LINGO2: variants seen among roughly 807,000 people sequenced by gnomAD.
LINGO2 encodes leucine-rich repeat and immunoglobulin-like domain-containing nogo receptor-interacting protein 2.
Under a neutral mutation model 30.6 loss-of-function variants are expected in LINGO2, and 14 were observed. The ratio of observed to expected loss-of-function variants is 0.46; its 90% CI spans 0.30 to 0.72. The LOEUF is 0.72. LINGO2 is among the 30% of genes least tolerant of loss of function. LINGO2 has a pLI of 0.07. For missense variants in LINGO2, 729 were observed against 751.7 expected (o/e 0.97, Z 0.35); for synonymous variants, 317 against 288.5 (o/e 1.10, Z -1.00).
intron 4 of LINGO2, among the ~76,000 whole-genome samples, chr9:28,114,720 C>T (rs1197841288): frequency 1.7e-5 from 2 of 115,578 alleles, no homozygotes; most frequent in Non-Finnish European, 3.5e-5. Context: ...GTAGTATTCT[C>T]TGATGGTAGT....
intron 4 of LINGO2, among the ~76,000 whole-genome samples, chr9:28,081,611 T>C (rs1328209779): frequency 6.6e-6 from 1 of 152,226 alleles, no homozygotes; most frequent in East Asian, 1.9e-4. Context: ...GCTATATTGA[T>C]GGAAATCTCA....
the LINGO2 span, among the ~76,000 whole-genome samples, chr9:28,830,669 A>G: frequency 6.6e-6 from 1 of 152,222 alleles, no homozygotes; most frequent in Admixed American, 6.5e-5. Context: ...ATGGATTTTT[A>G]ATTTATAATT....
At chr9:28,108,857 CAATGTGCTG>C in intron 4 of LINGO2, among the ~76,000 whole-genome samples, 1 of 152,068 alleles carries the variant, frequency 6.6e-6, no homozygotes, top group South Asian at 2.1e-4. Flanking sequence ...AAAGGTATAA[CAATGTGCTG>C]AATTTCATAC....
At chr9:28,722,988 C>T in the LINGO2 span, among the ~76,000 whole-genome samples, 1 of 152,108 alleles carries the variant, frequency 6.6e-6, no homozygotes, top group South Asian at 2.1e-4. Flanking sequence ...GCTTTTAGGG[C>T]TGGCTGGACC....
chr9:28,315,460 G>A (rs900854086), intron 3 of LINGO2, among the ~76,000 whole-genome samples: 5 of 151,812 alleles, frequency 3.3e-5, no homozygotes, highest in Non-Finnish European at 7.4e-5. Flanking sequence ...CTTTCCATAG[G>A]ACAAATATTT....
At chr9:29,159,705 A>G in the LINGO2 span, among the ~76,000 whole-genome samples, 2 of 152,176 alleles carry the variant, frequency 1.3e-5, no homozygotes, top group South Asian at 4.1e-4. Context: ...AAAAAATACA[A>G]AAATTAGCAG....
chr9:28,407,780 T>C (rs992592624), intron 2 of LINGO2, among the ~76,000 whole-genome samples: 2 of 152,162 alleles, frequency 1.3e-5, no homozygotes, highest in Non-Finnish European at 2.9e-5. Flanking sequence ...ATTTACTGAA[T>C]CACTATAATT....
the LINGO2 span, among the ~76,000 whole-genome samples, chr9:28,752,238 T>C: frequency 1.6e-4 from 25 of 151,850 alleles, no homozygotes; most frequent in Admixed American, 1.6e-3. Context: ...GAGTAACAAA[T>C]ACAGGTAGAA....
chr9:28,695,755 A>T, the LINGO2 span, among the ~76,000 whole-genome samples: 1 of 151,804 alleles, frequency 6.6e-6, no homozygotes, highest in Non-Finnish European at 1.5e-5. Context: ...CTGTTAAAAA[A>T]AAAAAAAAGA....
intron 1 of LINGO2, among the ~76,000 whole-genome samples, chr9:28,632,922 TAGGTATTAACTTATATGCTCACA>T (rs1827069780): frequency 7.3e-6 from 1 of 137,792 alleles, no homozygotes; most frequent in Non-Finnish European, 1.5e-5. Flanking sequence ...AGGAGTTGAT[TAGGTATTAACTTATATGCTCACA>T]AGGTCCCAAA....
chr9:28,783,047 A>G, the LINGO2 span, among the ~76,000 whole-genome samples: 1 of 152,234 alleles, frequency 6.6e-6, no homozygotes. Flanking sequence ...CAGTAAAAAT[A>G]TGATGTAATC....
intron 1 of LINGO2, among the ~76,000 whole-genome samples, chr9:28,630,488 T>C (rs751313301): frequency 1.3e-5 from 2 of 152,118 alleles, no homozygotes; most frequent in African/African-American, 2.4e-5. Flanking sequence ...ATACAAAGCC[T>C]ATATTTTTCC....
chr9:28,679,194 T>C, the LINGO2 span, among the ~76,000 whole-genome samples: 10 of 152,046 alleles, frequency 6.6e-5, no homozygotes, highest in African/African-American at 2.4e-4. Flanking sequence ...TACAAAAACT[T>C]TGATGACTTT....
At chr9:28,864,029 T>C in the LINGO2 span, among the ~76,000 whole-genome samples, 1 of 152,132 alleles carries the variant, frequency 6.6e-6, no homozygotes, top group Admixed American at 6.6e-5. Flanking sequence ...GTTATTAATA[T>C]AGATGTCAGG....
the LINGO2 span, among the ~76,000 whole-genome samples, chr9:28,732,910 T>A: frequency 2.5e-3 from 374 of 152,308 alleles, 3 homozygotes; most frequent in Non-Finnish European, 4.5e-3. Context: ...TGATGCTATT[T>A]TGGAGAGGCC....
At chr9:28,311,142 G>T (rs1039721579) in intron 3 of LINGO2, among the ~76,000 whole-genome samples, 4 of 152,028 alleles carry the variant, frequency 2.6e-5, no homozygotes, top group Non-Finnish European at 5.9e-5. Context: ...CAGGTTCTGT[G>T]ATGCCCCCCG....
chr9:28,253,220 A>G (rs565965883), intron 4 of LINGO2, among the ~76,000 whole-genome samples: 1 of 152,296 alleles, frequency 6.6e-6, no homozygotes, highest in East Asian at 1.9e-4. Context: ...TTATTAGAGT[A>G]CAGTTTCATT....
At chr9:27,991,652 C>G (rs998701166) in intron 5 of LINGO2, among the ~76,000 whole-genome samples, 4 of 152,052 alleles carry the variant, frequency 2.6e-5, no homozygotes, top group Non-Finnish European at 5.9e-5. Context: ...AAACATTGAT[C>G]ATGCAAACAT....
At chr9:28,032,707 A>G (rs1043272513) in intron 4 of LINGO2, among the ~76,000 whole-genome samples, 30 of 152,208 alleles carry the variant, frequency 2.0e-4, no homozygotes, top group Non-Finnish European at 4.0e-4. Context: ...ATGAAAACCT[A>G]TAACCCATGA....
Sources: gnomAD v4.1 joint callset for allele counts (sites outside exome capture counted in the v4.1 genomes callset) on GRCh38, gnomAD v4.1.1 for gene constraint, MANE v1.5 for transcripts, NCBI Gene and HGNC (gene_info 2026-07-23, HGNC 2026-07-21) for gene names.